Variants in PDS5A observed in about 807,000 individuals in gnomAD.
PDS5A encodes sister chromatid cohesion protein PDS5 homolog A.
In PDS5A, 42 loss-of-function variants were observed where a neutral mutation model predicts 167.1. The ratio of observed to expected loss-of-function variants is 0.25; its 90% CI spans 0.20 to 0.33. The LOEUF is 0.33. PDS5A is among the 10% of genes least tolerant of loss of function. The probability of loss-of-function intolerance (pLI) is 1.00; values close to 1 mark genes in which losing one functional copy is unlikely to be tolerated. For missense variants in PDS5A, 1,033 were observed against 1,605.9 expected (o/e 0.64, Z 6.10); for synonymous variants, 553 against 554.6 (o/e 1.00, Z 0.04).
intron 31 of PDS5A, among the ~76,000 whole-genome samples, chr4:39,839,114 C>T (rs1026714622): frequency 1.3e-5 from 2 of 152,120 alleles, no homozygotes; most frequent in Non-Finnish European, 2.9e-5. Context: ...TTGTTTAAGT[C>T]AAGACTGCTT....
In PDS5A at chr4:39,863,341, T is replaced by C. The variant is rs1442655578; in HGVS notation, c.2761A>G (p.Ile921Val). 6.3e-7 allele frequency: 1 copy of C among 1,584,644 alleles called. No individual in the cohort carries two copies. The highest frequency in any genetic ancestry group is 8.6e-7 in the Non-Finnish European group (1 of 1,169,124). The change falls in exon 24 of 33, where the codon ATT (isoleucine) becomes GTT (valine). Residue 921 changes from isoleucine (I) to valine (V), a missense_variant. Around this residue, in one of 4 missense-constraint regions of PDS5A, gnomAD observed 367 missense variants for 686.7 expected, o/e 0.53. Coordinates refer to ENST00000303538, the MANE Select transcript of PDS5A (RefSeq NM_001100399.2). Reference sequence around the variant, plus strand: ...AAAATAAGATTGTTACTTACATTAATAACAAGTGCACAGAGCTGAAACTGT... The same window carrying C: ...AAAATAAGATTGTTACTTACATTAACAACAAGTGCACAGAGCTGAAACTGT... Reference protein sequence around the residue: ...PEQFQLCALVINDECYQVRQI... With the variant: ...PEQFQLCALVVNDECYQVRQI...
intron 32 of PDS5A, among the ~76,000 whole-genome samples, chr4:39,831,694 G>A (rs1560409507): frequency 1.3e-5 from 2 of 150,904 alleles, no homozygotes; most frequent in South Asian, 2.1e-4. Flanking sequence ...CCTGACCAAC[G>A]TGGAGAAACC....
At chr4:39,861,191 T>C (rs1718961412) in intron 26 of PDS5A, among the ~76,000 whole-genome samples, 1 of 151,726 alleles carries the variant, frequency 6.6e-6, no homozygotes, top group African/African-American at 2.4e-5. Context: ...CCAAGTGCGG[T>C]GGCTCACGTC....
chr4:39,949,301 C>CAAAAAA (rs71645201), intron 2 of PDS5A, among the ~76,000 whole-genome samples: 17 of 93,862 alleles, frequency 1.8e-4, no homozygotes, highest in African/African-American at 2.6e-4. Context: ...GAACCTATCT[C>CAAAAAA]AAAAAAAAAA....
rs538164088 is a variant in PDS5A at position 39,934,789 on chromosome 4, A to G, written c.139-6625T>C. 7.2e-5 allele frequency among the ~76,000 whole-genome samples: 11 copies of G among 151,942 alleles called. No individual in the cohort carries two copies. In the East Asian group the frequency reaches 2.1e-3, roughly 29 times the overall value. On this transcript the variant is annotated intron_variant, in intron 2 of 32. Transcript: ENST00000303538. ...CCAGCACTCTATAAATATTTTTTTGAGACAAATTAACTCAAAATTAAGCAT... is the reference window on the plus strand; with the variant it reads ...CCAGCACTCTATAAATATTTTTTTGGGACAAATTAACTCAAAATTAAGCAT...
chr4:39,910,437 T>C, intron 9 of PDS5A, 99 bp from the exon 10 acceptor site: 1 of 634,824 alleles, frequency 1.6e-6, no homozygotes, highest in Non-Finnish European at 2.8e-6. Context: ...CAACAATAGT[T>C]ACTGATTAGA....
rs772230554 is a variant in PDS5A at position 39,901,266 on chromosome 4, C to CTTTTTT, written c.1500-765_1500-760dup. ...ATGACAGTCTTTTTTTCTTTTCTTTCTTTTTTTTTTTTTTTTTTTTGAGAC... is the reference window on the plus strand; with the variant it reads ...ATGACAGTCTTTTTTTCTTTTCTTTCTTTTTTTTTTTTTTTTTTTTTTTTTTGAGAC... On this transcript the variant is annotated intron_variant, in intron 13 of 32. Transcript: ENST00000303538. Among the ~76,000 whole-genome samples, 119 of 121,276 alleles carry CTTTTTT rather than the reference C, an allele frequency of 9.8e-4. 1 individual carries two copies. Among genetic ancestry groups the CTTTTTT allele is most frequent in the Middle Eastern group, 8.5e-3 (2 of 234 alleles). The allele number at this position is 121,276 out of a possible 152,430, so 79.6% of individuals were successfully genotyped here. A position where few individuals can be genotyped will look rare whatever the true frequency, so the allele number is the denominator to read the frequency against.
intron 16 of PDS5A, among the ~76,000 whole-genome samples, chr4:39,897,512 T>G (rs140655803): frequency 0.022 from 3,389 of 152,212 alleles, 52 homozygotes; most frequent in Non-Finnish European, 0.034. Flanking sequence ...AATTCTCCTG[T>G]CTCAGCCTCT....
At chr4:39,894,127 T>C (rs1218936860) in intron 16 of PDS5A, among the ~76,000 whole-genome samples, 1 of 152,166 alleles carries the variant, frequency 6.6e-6, no homozygotes, top group Non-Finnish European at 1.5e-5. Flanking sequence ...ACAAAGCTTA[T>C]TGGGCATGGT....
chr4:39,943,173 C>A (rs909831393), intron 2 of PDS5A, among the ~76,000 whole-genome samples: 1 of 147,130 alleles, frequency 6.8e-6, no homozygotes. Flanking sequence ...CACACACGCA[C>A]GCACACATAT....
chr4:39,913,604 C>A lies in PDS5A; in HGVS notation c.992+7G>T. On this transcript the variant is annotated splice_region_variant and intron_variant, in intron 9 of 32. Transcript: ENST00000303538. ...AATATAAACATCAGAATTATATGTT[C>A]TCTTACCGTCCAAGAAAACATTGCC... 6.9e-7 allele frequency: 1 copy of A among 1,447,528 alleles called. No individual in the cohort carries two copies. Among genetic ancestry groups the A allele is most frequent in the African/African-American group, 1.4e-5 (1 of 71,900 alleles). The allele number at this position is 1,447,528 out of a possible 1,614,324, so 89.7% of individuals were successfully genotyped here.
At chr4:39,963,922 C>G (rs1445827693) in intron 2 of PDS5A, among the ~76,000 whole-genome samples, 1 of 151,634 alleles carries the variant, frequency 6.6e-6, no homozygotes, top group Non-Finnish European at 1.5e-5. Flanking sequence ...TTTTTTTTCC[C>G]CCCCAGACCG....
At chr4:39,871,774 G>A (rs1006027662) in intron 21 of PDS5A, among the ~76,000 whole-genome samples, 26 of 152,228 alleles carry the variant, frequency 1.7e-4, no homozygotes, top group African/African-American at 5.1e-4. Context: ...TGCAATCTTG[G>A]CTCACTGCAA....
At chr4:39,853,776 T>A (rs965174505) in intron 26 of PDS5A, among the ~76,000 whole-genome samples, 3 of 152,202 alleles carry the variant, frequency 2.0e-5, no homozygotes, top group Admixed American at 6.5e-5. Context: ...AGCCAATTTT[T>A]AAAAAAGATT....
At chr4:39,912,906 C>T (rs1724016784) in intron 9 of PDS5A, among the ~76,000 whole-genome samples, 1 of 152,094 alleles carries the variant, frequency 6.6e-6, no homozygotes, top group South Asian at 2.1e-4. Flanking sequence ...AGTTAAAACA[C>T]ACCATACAAT....
At chr4:39,938,447 C>T (rs1005382554) in intron 2 of PDS5A, among the ~76,000 whole-genome samples, 1 of 151,524 alleles carries the variant, frequency 6.6e-6, no homozygotes, top group Non-Finnish European at 1.5e-5. Flanking sequence ...CCCAGCTACT[C>T]GGGAGGCTGA....
chr4:39,973,132 A>C, intron 2 of PDS5A: 1 of 854,846 alleles, frequency 1.2e-6, no homozygotes, highest in Non-Finnish European at 2.0e-6. Flanking sequence ...TCAATTTTAA[A>C]CAGCAGGAAC....
At chr4:39,900,546 A>G in intron 13 of PDS5A, 39 bp from the exon 14 acceptor site, 1 of 1,254,160 alleles carries the variant, frequency 8.0e-7, no homozygotes, top group Non-Finnish European at 1.1e-6. Context: ...ATTACATAAC[A>G]ATACTGGAAA....
rs138757622 is a variant in PDS5A, at chr4:39,906,848, C to T, written c.1233+1547G>A. 5.8e-3 allele frequency among the ~76,000 whole-genome samples: 859 copies of T among 147,594 alleles called. 9 individuals carry two copies. The highest frequency in any genetic ancestry group is 0.02 in the African/African-American group (787 of 39,400). On this transcript the variant is annotated intron_variant, in intron 11 of 32. Coordinates refer to ENST00000303538, the MANE Select transcript of PDS5A (RefSeq NM_001100399.2). ...GTATCATTTTCTCATTTTTTAGGCC[C>T]CTTATTAGATGGAATAAAACTTTGT...
Sources: gnomAD v4.1 joint callset for allele counts (sites outside exome capture counted in the v4.1 genomes callset) on GRCh38, gnomAD v4.1.1 for gene constraint, gnomAD v4.1.1 regional missense constraint, MANE v1.5 for transcripts, NCBI Gene and HGNC (gene_info 2026-07-23, HGNC 2026-07-21) for gene names.